Variants in ZDHHC20 observed in about 807,000 individuals in gnomAD.
ZDHHC20 encodes zDHHC palmitoyltransferase 20.
Under a neutral mutation model 57.8 loss-of-function variants are expected in ZDHHC20, and 43 were observed. The observed-to-expected ratio is 0.74, with a 90% CI of 0.58 to 0.96. The LOEUF (loss-of-function observed/expected upper bound fraction) is 0.96. Among genes scored for constraint, ZDHHC20 ranks in the 40% least tolerant of loss-of-function variants. The pLI is 0.00. For missense variants in ZDHHC20, 391 were observed against 441.1 expected (o/e 0.89, Z 1.02); for synonymous variants, 157 against 153.0 (o/e 1.03, Z -0.19).
At chr13:21,420,936 C>G in intron 3 of ZDHHC20, 125 bp downstream of exon 3, 1 of 708,990 alleles carries the variant, frequency 1.4e-6, no homozygotes, top group Non-Finnish European at 2.4e-6. Flanking sequence ...TACAGAGCAA[C>G]CAAGCAGTTT....
At chr13:21,415,930 TG>T (rs1037976756) in intron 3 of ZDHHC20, among the ~76,000 whole-genome samples, 1 of 151,986 alleles carries the variant, frequency 6.6e-6, no homozygotes, top group African/African-American at 2.4e-5. Flanking sequence ...GGGCTGGGTG[TG>T]GTGGCTCACA....
intron 1 of ZDHHC20, among the ~76,000 whole-genome samples, chr13:21,458,589 G>T (rs1051288024): frequency 6.6e-6 from 1 of 152,134 alleles, no homozygotes; most frequent in African/African-American, 2.4e-5. Flanking sequence ...CGCCACAGCC[G>T]GCTCTACAGG....
rs775226225 is a variant in ZDHHC20, at chr13:21,413,759, T to C, written c.263A>G (p.Asn88Ser). Residue 88 changes from asparagine to serine, a missense_variant, in exon 4 of 13, where the codon AAT becomes AGT. By Grantham distance (46) the Asn-to-Ser change is conservative. Around this residue, in one of 3 missense-constraint regions of ZDHHC20, gnomAD observed 185 missense variants for 188.0 expected, o/e 0.98. Transcript: ENST00000400590. ...ASPSKEFYLS[N>S]SEKERYEKEF... is the part of the protein sequence containing the mutation. Reference sequence around the variant, plus strand: ...TTTTTCATAACGTTCCTTTTCAGAATTGGACAAGTAGAACTATAAAAGGAA... The same window carrying C: ...TTTTTCATAACGTTCCTTTTCAGAACTGGACAAGTAGAACTATAAAAGGAA... 4 of 1,609,872 alleles carry C rather than the reference T, an allele frequency of 2.5e-6. No individual in the cohort carries two copies. Among genetic ancestry groups the C allele is most frequent in the Non-Finnish European group, 3.4e-6 (4 of 1,178,056 alleles).
rs188325152 is a variant in ZDHHC20 at position 21,454,182 on chromosome 13, C to T, written c.118+4872G>A. On this transcript the variant is annotated intron_variant, in intron 1 of 12. Transcript: ENST00000400590. Reference sequence around the variant, plus strand: ...CTCTACTAAAAATACAAAAATTAGCCGGGCGTGGTGGCACATGCCTATAAT... The same window carrying T: ...CTCTACTAAAAATACAAAAATTAGCTGGGCGTGGTGGCACATGCCTATAAT... Among the ~76,000 whole-genome samples, 448 of 152,058 alleles carry T rather than the reference C, an allele frequency of 2.9e-3. 2 individuals carry two copies. Among genetic ancestry groups the T allele is most frequent in the African/African-American group, 9.9e-3 (412 of 41,476 alleles).
chr13:21,448,408 A>G (rs1884059330), intron 1 of ZDHHC20, among the ~76,000 whole-genome samples: 1 of 97,562 alleles, frequency 1.0e-5, no homozygotes, highest in Non-Finnish European at 2.2e-5. Context: ...CCCGTCCGGG[A>G]GGGAGGTGGG....
chr13:21,388,869 T>C (rs1875099814), intron 8 of ZDHHC20, among the ~76,000 whole-genome samples: 1 of 151,968 alleles, frequency 6.6e-6, no homozygotes, highest in Non-Finnish European at 1.5e-5. Flanking sequence ...GCACCAAAGA[T>C]GTAAGGAGCT....
At position 21,426,842 on chromosome 13, in the gene ZDHHC20, A is replaced by G. The variant is rs150893014; in HGVS notation, c.119-1164T>C. Among the ~76,000 whole-genome samples the G allele has an allele frequency of 6.7e-3, 1,021 of 152,222 alleles. 8 individuals are homozygous for G. The highest frequency in any genetic ancestry group is 0.01 in the Non-Finnish European group (707 of 68,008). Reference sequence around the variant, plus strand: ...GGCTGGTCTCGAACTCCTGACTTCAAGTGAATCCGCCCACCTCAGCCTCCC... The same window carrying G: ...GGCTGGTCTCGAACTCCTGACTTCAGGTGAATCCGCCCACCTCAGCCTCCC... On this transcript the variant is annotated intron_variant, in intron 1 of 12. Coordinates refer to ENST00000400590, the MANE Select transcript of ZDHHC20 (RefSeq NM_001330059.2).
chr13:21,396,490 A>G (rs1223708071), intron 7 of ZDHHC20, among the ~76,000 whole-genome samples: 1 of 152,176 alleles, frequency 6.6e-6, no homozygotes, highest in Non-Finnish European at 1.5e-5. Context: ...TTAAAAATAT[A>G]AAACTTTGAT....
intron 7 of ZDHHC20, among the ~76,000 whole-genome samples, chr13:21,397,409 C>T (rs1019356304): frequency 2.0e-5 from 3 of 149,486 alleles, no homozygotes; most frequent in African/African-American, 7.4e-5. Flanking sequence ...CACCTGTAAT[C>T]CCAGCACTTT....
At chr13:21,435,750 G>T (rs1482610141) in intron 1 of ZDHHC20, among the ~76,000 whole-genome samples, 1 of 152,180 alleles carries the variant, frequency 6.6e-6, no homozygotes, top group Non-Finnish European at 1.5e-5. Flanking sequence ...ATGCTAAAAG[G>T]AGTAAGTGAA....
intron 7 of ZDHHC20, among the ~76,000 whole-genome samples, chr13:21,397,946 T>C (rs1877060013): frequency 6.6e-6 from 1 of 152,166 alleles, no homozygotes. Flanking sequence ...TAGGAATGAT[T>C]TGAGGCACAG....
intron 8 of ZDHHC20, among the ~76,000 whole-genome samples, chr13:21,391,156 A>G (rs1242435349): frequency 6.6e-6 from 1 of 151,828 alleles, no homozygotes; most frequent in East Asian, 1.9e-4. Context: ...TAGTAAAGAC[A>G]GGGTTTCTCC....
chr13:21,406,886 G>A (rs1408171080), intron 4 of ZDHHC20, among the ~76,000 whole-genome samples: 1 of 152,042 alleles, frequency 6.6e-6, no homozygotes, highest in Non-Finnish European at 1.5e-5. Flanking sequence ...TAATCCTTTG[G>A]GTATATACCC....
intron 1 of ZDHHC20, among the ~76,000 whole-genome samples, chr13:21,442,795 A>C (rs985660422): frequency 2.0e-5 from 3 of 151,440 alleles, no homozygotes; most frequent in African/African-American, 7.3e-5. Flanking sequence ...AGTTTCTTTT[A>C]TTCAGCAGAT....
chr13:21,418,515 T>TTTTTTTTTTTTTTTTTTTTTTTTTTTG (rs1566093032), intron 3 of ZDHHC20, among the ~76,000 whole-genome samples: 1 of 152,202 alleles, frequency 6.6e-6, no homozygotes, highest in African/African-American at 2.4e-5. Context: ...GCTCAATTAT[T>TTTTTTTTTTTTTTTTTTTTTTTTTTTG]ATAGCTATCC....
intron 1 of ZDHHC20, among the ~76,000 whole-genome samples, chr13:21,451,937 T>C (rs1038878647): frequency 6.7e-6 from 1 of 150,040 alleles, no homozygotes; most frequent in East Asian, 2.0e-4. Flanking sequence ...GAGGTTGCAA[T>C]GAGCCGAGAT....
chr13:21,385,971 C>CA (rs1212223651), intron 9 of ZDHHC20, among the ~76,000 whole-genome samples: 1 of 151,914 alleles, frequency 6.6e-6, no homozygotes, highest in East Asian at 1.9e-4. Flanking sequence ...GGAAGGAAAA[C>CA]AAAAAACAAC....
At chr13:21,419,302 G>A (rs749031213) in intron 3 of ZDHHC20, among the ~76,000 whole-genome samples, 3 of 152,186 alleles carry the variant, frequency 2.0e-5, no homozygotes, top group Non-Finnish European at 2.9e-5. Flanking sequence ...GCAGGCAAAA[G>A]ACTATACAGC....
At chr13:21,441,791 A>G (rs1007918904) in intron 1 of ZDHHC20, among the ~76,000 whole-genome samples, 1 of 152,000 alleles carries the variant, frequency 6.6e-6, no homozygotes, top group Non-Finnish European at 1.5e-5. Flanking sequence ...GTTTTACTCA[A>G]TTCTTTTTGT....
Sources: allele counts gnomAD v4.1 joint callset (sites outside exome capture counted in the v4.1 genomes callset), GRCh38; gene constraint gnomAD v4.1.1; regional missense constraint gnomAD v4.1.1; transcripts MANE v1.5; gene names NCBI Gene and HGNC (gene_info 2026-07-23, HGNC 2026-07-21).